Variants in NPIPB2 observed in about 807,000 individuals in gnomAD.
NPIPB2 encodes the protein nuclear pore complex interacting protein family member B2.
Under a neutral mutation model 30.8 loss-of-function variants are expected in NPIPB2, and 27 were observed. The observed-to-expected ratio is 0.88, with a 90% CI of 0.65 to 1.21. The LOEUF is 1.21. Ranked by LOEUF, NPIPB2 falls within the 50% of genes most tolerant of loss-of-function variation. NPIPB2 has a pLI of 0.00. For synonymous variants in NPIPB2, 147 were observed against 162.0 expected (o/e 0.91, Z 0.70); for missense variants, 440 against 446.2 (o/e 0.99, Z 0.13).
intron 1 of NPIPB2, among the ~76,000 whole-genome samples, chr16:11,958,477 C>G (rs1202002037): frequency 1.3e-5 from 2 of 151,840 alleles, no homozygotes; most frequent in African/African-American, 2.4e-5. Context: ...TGCCTATAAT[C>G]CTAGCACTTT....
At chr16:11,968,288 C>T (rs979362601) in intron 1 of NPIPB2, among the ~76,000 whole-genome samples, 3 of 152,066 alleles carry the variant, frequency 2.0e-5, no homozygotes, top group African/African-American at 7.2e-5. Context: ...ACCAGCCTGG[C>T]CAACATGGTG....
chr16:11,938,902 C>T (rs1478529168), intron 1 of NPIPB2, among the ~76,000 whole-genome samples: 2 of 151,762 alleles, frequency 1.3e-5, no homozygotes, highest in Middle Eastern at 3.4e-3. Context: ...CGCCTGCCAC[C>T]ACGCTCGGCT....
chr16:11,934,226 T>C (rs559343296), intron 2 of NPIPB2, among the ~76,000 whole-genome samples: 1 of 121,752 alleles, frequency 8.2e-6, no homozygotes, highest in African/African-American at 3.5e-5. Flanking sequence ...TGAGACTCTG[T>C]CACACACACA....
chr16:11,967,658 G>T (rs183187632), intron 1 of NPIPB2: 91 of 1,614,034 alleles, frequency 5.6e-5, no homozygotes, highest in Non-Finnish European at 7.5e-5. Context: ...TCGAGTACAC[G>T]GTGGAAGAAT....
intron 1 of NPIPB2, among the ~76,000 whole-genome samples, chr16:11,952,711 C>T (rs2055078697): frequency 6.6e-6 from 1 of 151,878 alleles, no homozygotes; most frequent in Non-Finnish European, 1.5e-5. Context: ...ACTACAGGCA[C>T]GTGCCACCAT....
upstream of NPIPB2, among the ~76,000 whole-genome samples, chr16:11,947,040 T>TTATATATATATATATATA (rs57486204): frequency 1.4e-5 from 2 of 139,822 alleles, no homozygotes; most frequent in African/African-American, 5.2e-5. Context: ...ACTATTTGAA[T>TTATATATATATATATATA]TATATATATA....
chr16:11,952,423 G>C (rs957087785), intron 1 of NPIPB2, among the ~76,000 whole-genome samples: 6 of 151,972 alleles, frequency 3.9e-5, no homozygotes, highest in East Asian at 1.9e-4. Context: ...ATGCCGTTTT[G>C]ATCTTGAATC....
intron 1 of NPIPB2, among the ~76,000 whole-genome samples, chr16:11,962,565 T>C (rs1468854028): frequency 2.2e-5 from 3 of 136,408 alleles, no homozygotes; most frequent in Admixed American, 8.3e-5. Context: ...TGAGCTGAGA[T>C]AGCGCCCCTG....
At chr16:11,976,001 G>T (rs951277249) in intron 1 of NPIPB2, among the ~76,000 whole-genome samples, 1 of 151,868 alleles carries the variant, frequency 6.6e-6, no homozygotes, top group Non-Finnish European at 1.5e-5. Context: ...GGCTGCTCTT[G>T]AACTGCTGGC....
intron 1 of NPIPB2, among the ~76,000 whole-genome samples, chr16:11,958,819 G>T (rs541611486): frequency 6.6e-6 from 1 of 152,174 alleles, no homozygotes; most frequent in African/African-American, 2.4e-5. Flanking sequence ...GGTTGGTTTG[G>T]GGAGCTGAGC....
chr16:11,948,347 G>A (rs951118680), intron 1 of NPIPB2, among the ~76,000 whole-genome samples: 16 of 152,086 alleles, frequency 1.1e-4, no homozygotes, highest in Non-Finnish European at 1.5e-4. Context: ...GTCATTGTGC[G>A]TCTGTGAGGA....
At chr16:11,967,859 G>T (rs374545778) in intron 1 of NPIPB2, 1 of 1,610,200 alleles carries the variant, frequency 6.2e-7, no homozygotes, top group South Asian at 1.1e-5. Flanking sequence ...TAACCATTTC[G>T]ACTCGAGCAG....
intron 1 of NPIPB2, among the ~76,000 whole-genome samples, chr16:11,969,351 G>A (rs1276329303): frequency 6.6e-6 from 1 of 151,856 alleles, no homozygotes; most frequent in Non-Finnish European, 1.5e-5. Context: ...TCTGCCTCCC[G>A]GGTTCAAGCA....
intron 1 of NPIPB2, among the ~76,000 whole-genome samples, chr16:11,957,364 C>T (rs1037029176): frequency 8.6e-5 from 13 of 152,006 alleles, no homozygotes; most frequent in Non-Finnish European, 1.5e-4. Context: ...AGGGTTTCAC[C>T]ACGTTAGCCA....
chr16:11,938,100 C>A (rs1305517411), intron 1 of NPIPB2, among the ~76,000 whole-genome samples: 1 of 152,140 alleles, frequency 6.6e-6, no homozygotes, highest in African/African-American at 2.4e-5. Flanking sequence ...CTCACTGCAA[C>A]CTCCAGCTCC....
At chr16:11,952,996 T>C (rs1018479497) in intron 1 of NPIPB2, among the ~76,000 whole-genome samples, 3 of 152,186 alleles carry the variant, frequency 2.0e-5, no homozygotes, top group African/African-American at 7.2e-5. Flanking sequence ...GTATTCCCTG[T>C]GGATTCTCAA....
upstream of NPIPB2, among the ~76,000 whole-genome samples, chr16:11,945,991 C>T (rs1390044088): frequency 1.3e-5 from 2 of 149,790 alleles, no homozygotes; most frequent in Non-Finnish European, 3.0e-5. Context: ...CAAACCATCC[C>T]CTCATGATTT....
intron 1 of NPIPB2, among the ~76,000 whole-genome samples, chr16:11,952,869 A>T (rs2055080275): frequency 6.6e-6 from 1 of 151,874 alleles, no homozygotes. Context: ...CCTGGCCCTT[A>T]TCGCCATCTT....
chr16:11,949,170 G>A (rs1338329926), intron 1 of NPIPB2, among the ~76,000 whole-genome samples: 2 of 152,128 alleles, frequency 1.3e-5, no homozygotes, highest in Non-Finnish European at 2.9e-5. Flanking sequence ...AAAAGAAAAA[G>A]AGAGAGAAAG....
Sources: allele counts gnomAD v4.1 joint callset (sites outside exome capture counted in the v4.1 genomes callset), GRCh38; gene constraint gnomAD v4.1.1; transcripts MANE v1.5; gene names NCBI Gene and HGNC (gene_info 2026-07-23, HGNC 2026-07-21).